DPP10: variants seen among roughly 807,000 people sequenced by gnomAD.
DPP10 encodes inactive dipeptidyl peptidase 10.
A neutral mutation model predicts 120.9 loss-of-function variants in DPP10; 33 were observed. The ratio of observed to expected loss-of-function variants is 0.27; its 90% confidence interval spans 0.21 to 0.37. The LOEUF (loss-of-function observed/expected upper bound fraction) is 0.37, where lower values mean the gene tolerates loss of function less well. Among genes scored for constraint, DPP10 ranks in the 10% least tolerant of loss-of-function variants. The pLI is 1.00. For missense variants in DPP10, 816 were observed against 942.8 expected (o/e 0.87, Z 1.76); for synonymous variants, 337 against 326.1 (o/e 1.03, Z -0.36).
At position 115,455,805 on chromosome 2, in the gene DPP10, C is replaced by G. The variant is rs1280490271; in HGVS notation, c.272-43705C>G. ...GTGGATCACTTCCTTTCACCTTATA[C>G]AAAAATTAACTCAAGATGGATTAAA... On this transcript the variant is annotated intron_variant, in intron 3 of 25. Coordinates refer to ENST00000410059, the MANE Select transcript of DPP10 (RefSeq NM_020868.6). Among the ~76,000 whole-genome samples, 4 of 152,158 alleles carry G rather than the reference C, an allele frequency of 2.6e-5. No homozygotes were observed. The East Asian group carries it at 5.8e-4, about 22-fold the overall frequency.
chr2:115,065,858 A>G (rs1706796172), intron 1 of DPP10, among the ~76,000 whole-genome samples: 1 of 152,218 alleles, frequency 6.6e-6, no homozygotes, highest in South Asian at 2.1e-4. Flanking sequence ...GCATGCCAAA[A>G]GAAAAAAAAT....
At chr2:115,219,710 A>C (rs931382090) in intron 1 of DPP10, among the ~76,000 whole-genome samples, 1 of 152,204 alleles carries the variant, frequency 6.6e-6, no homozygotes, top group Admixed American at 6.5e-5. Context: ...AATAATGTTA[A>C]ATATTGTTAG....
At chr2:115,364,713 A>G (rs946384003) in intron 3 of DPP10, among the ~76,000 whole-genome samples, 1 of 151,084 alleles carries the variant, frequency 6.6e-6, no homozygotes, top group Non-Finnish European at 1.5e-5. Flanking sequence ...GAATTTTCTC[A>G]GAGCAGGGAT....
At chr2:114,938,726 TC>T (rs1696670833) in intron 1 of DPP10, among the ~76,000 whole-genome samples, 2 of 109,216 alleles carry the variant, frequency 1.8e-5, no homozygotes, top group South Asian at 3.7e-4. Flanking sequence ...TTACACTTTG[TC>T]CCTTTTTTTT....
chr2:115,623,663 C>G (rs894506519), intron 5 of DPP10, among the ~76,000 whole-genome samples: 1 of 152,102 alleles, frequency 6.6e-6, no homozygotes, highest in Non-Finnish European at 1.5e-5. Context: ...TACAGTGGAG[C>G]TGAGGGCCTG....
intron 1 of DPP10, among the ~76,000 whole-genome samples, chr2:115,232,828 G>A (rs2057803213): frequency 1.3e-5 from 2 of 152,082 alleles, no homozygotes; most frequent in Admixed American, 6.6e-5. Flanking sequence ...TAGTTAACAT[G>A]TGCCAGCCTT....
chr2:114,962,568 A>C (rs2104727944), intron 1 of DPP10, among the ~76,000 whole-genome samples: 1 of 152,330 alleles, frequency 6.6e-6, no homozygotes, highest in Middle Eastern at 3.4e-3. Context: ...TATTATTGAT[A>C]GGCAGCCTAC....
intron 1 of DPP10, among the ~76,000 whole-genome samples, chr2:115,249,908 T>A (rs527694384): frequency 1.3e-5 from 2 of 152,290 alleles, no homozygotes; most frequent in South Asian, 2.1e-4. Context: ...TGTATTACTA[T>A]AATTGCTTTG....
At chr2:115,527,268 T>G (rs988112169) in intron 5 of DPP10, among the ~76,000 whole-genome samples, 2 of 152,028 alleles carry the variant, frequency 1.3e-5, no homozygotes, top group African/African-American at 4.8e-5. Context: ...AGCAATTTAA[T>G]GGAGGACAGT....
At chr2:114,662,433 C>A (rs983188229) in intron 1 of DPP10, among the ~76,000 whole-genome samples, 1 of 152,168 alleles carries the variant, frequency 6.6e-6, no homozygotes, top group Non-Finnish European at 1.5e-5. Context: ...AGGGAGTCCG[C>A]GGAGCGGGAC....
intron 1 of DPP10, among the ~76,000 whole-genome samples, chr2:114,932,364 T>C (rs1465822899): frequency 6.6e-6 from 1 of 152,246 alleles, no homozygotes; most frequent in African/African-American, 2.4e-5. Context: ...AATGGAGTTT[T>C]CATAACAGCT....
At chr2:114,597,780 T>G (rs935500119) in intron 1 of DPP10, among the ~76,000 whole-genome samples, 1 of 151,932 alleles carries the variant, frequency 6.6e-6, no homozygotes, top group African/African-American at 2.4e-5. Flanking sequence ...ATGGCACTTA[T>G]GTTATTCCAC....
chr2:115,679,620 A>T (rs1232921912), intron 5 of DPP10, among the ~76,000 whole-genome samples: 1 of 152,218 alleles, frequency 6.6e-6, no homozygotes, highest in African/African-American at 2.4e-5. Context: ...TGAATGAATT[A>T]AAAAATTGTG....
intron 1 of DPP10, among the ~76,000 whole-genome samples, chr2:114,995,829 C>G (rs1287471847): frequency 6.6e-6 from 1 of 152,150 alleles, no homozygotes; most frequent in African/African-American, 2.4e-5. Context: ...AGTAATCTCT[C>G]CTTTTCATGT....
At chr2:115,273,631 C>T (rs897768482) in intron 1 of DPP10, among the ~76,000 whole-genome samples, 7 of 152,208 alleles carry the variant, frequency 4.6e-5, no homozygotes, top group Admixed American at 6.5e-5. Context: ...CCACCGCGCC[C>T]GGCCTGAGGC....
At chr2:115,054,328 A>G (rs560953799) in intron 1 of DPP10, among the ~76,000 whole-genome samples, 1 of 152,332 alleles carries the variant, frequency 6.6e-6, no homozygotes, top group South Asian at 2.1e-4. Context: ...GATAGTTGAC[A>G]TTAATGAACT....
chr2:114,505,430 G>A (rs1683563033), intron 1 of DPP10, among the ~76,000 whole-genome samples: 1 of 151,630 alleles, frequency 6.6e-6, no homozygotes, highest in Non-Finnish European at 1.5e-5. Context: ...CTTGGTACAG[G>A]GAGAGCACCT....
chr2:115,309,193 T>C (rs1457428463), intron 1 of DPP10, 46 bp from the exon 2 acceptor site: 2 of 1,460,496 alleles, frequency 1.4e-6, no homozygotes, highest in Admixed American at 1.8e-5. Context: ...AATACATTTC[T>C]CTTGGAGCAT....
intron 11 of DPP10, among the ~76,000 whole-genome samples, chr2:115,754,979 T>C (rs753252612): frequency 5.9e-5 from 9 of 152,018 alleles, no homozygotes; most frequent in Non-Finnish European, 4.4e-5. Flanking sequence ...TACAGTGAAG[T>C]GAAGAAATCT....
Sources: gnomAD v4.1 joint callset for allele counts (sites outside exome capture counted in the v4.1 genomes callset) on GRCh38, gnomAD v4.1.1 for gene constraint, MANE v1.5 for transcripts, NCBI Gene and HGNC (gene_info 2026-07-23, HGNC 2026-07-21) for gene names.